Variants in OBI1 observed in about 807,000 individuals in gnomAD.
OBI1 encodes ring finger protein 219.
Under a neutral mutation model 62.4 loss-of-function variants are expected in OBI1, and 59 were observed. The ratio of observed to expected loss-of-function variants is 0.95; its 90% CI spans 0.77 to 1.17. The LOEUF is 1.17. OBI1 is among the 50% of genes most tolerant of loss of function. OBI1 has a pLI of 0.00. For missense variants in OBI1, 875 were observed against 830.9 expected, an observed-to-expected ratio of 1.05 and a Z score of -0.65; for synonymous variants, 302 against 292.8, an observed-to-expected ratio of 1.03 and a Z score of -0.32.
At chr13:78,645,838 C>A (rs1486267086) in intron 1 of OBI1, among the ~76,000 whole-genome samples, 2 of 152,070 alleles carry the variant, frequency 1.3e-5, no homozygotes, top group Non-Finnish European at 2.9e-5. Flanking sequence ...TTAGGAGAGA[C>A]GGGGTTTCAC....
intron 5 of OBI1, among the ~76,000 whole-genome samples, chr13:78,619,777 G>C (rs1490412164): frequency 6.6e-6 from 1 of 152,102 alleles, no homozygotes; most frequent in African/African-American, 2.4e-5. Flanking sequence ...AACAATTCCT[G>C]GTATACGGCA....
chr13:78,636,907 AG>A (rs1379454695), intron 4 of OBI1, among the ~76,000 whole-genome samples: 1 of 152,138 alleles, frequency 6.6e-6, no homozygotes, highest in Non-Finnish European at 1.5e-5. Context: ...GCTATGTTTC[AG>A]TCTCTCAACA....
At position 78,635,093 on chromosome 13, in the gene OBI1, G is replaced by A. The variant is rs373768018; in HGVS notation, c.638+17C>T. The A allele has an allele frequency of 3.3e-6, 5 of 1,508,536 alleles. No individual in the cohort carries two copies. The highest frequency in any genetic ancestry group is 1.7e-4 in the Middle Eastern group (1 of 5,840). 93.4% of individuals were successfully genotyped at this position (1,508,536 alleles called of 1,614,324 possible). A position where few individuals can be genotyped will look rare whatever the true frequency, so the allele number is the denominator to read the frequency against. On this transcript the variant is annotated intron_variant, in intron 5 of 5. Coordinates refer to ENST00000282003, the MANE Select transcript of OBI1 (RefSeq NM_024546.4). Reference sequence around the variant, plus strand: ...TTGACATAATCTGAAGCATTGCTCTGGGAGCAAAATACATACTTTTGAGGT... The same window carrying A: ...TTGACATAATCTGAAGCATTGCTCTAGGAGCAAAATACATACTTTTGAGGT...
At chr13:78,647,529 A>C (rs1670954641) in intron 1 of OBI1, among the ~76,000 whole-genome samples, 1 of 152,194 alleles carries the variant, frequency 6.6e-6, no homozygotes. Context: ...TCCTTTGCTC[A>C]CATGTTTTCT....
intron 5 of OBI1, among the ~76,000 whole-genome samples, chr13:78,626,474 G>C (rs1367470739): frequency 6.6e-6 from 1 of 152,124 alleles, no homozygotes; most frequent in Non-Finnish European, 1.5e-5. Context: ...TAAAACAACA[G>C]GGTAGAAGAA....
chr13:78,635,516 A>G (rs1233869808), intron 4 of OBI1, among the ~76,000 whole-genome samples: 2 of 152,192 alleles, frequency 1.3e-5, no homozygotes, highest in African/African-American at 2.4e-5. Context: ...TCTTTTTCAC[A>G]TAACTGAATA....
intron 3 of OBI1, among the ~76,000 whole-genome samples, chr13:78,640,450 T>A (rs1329306700): frequency 1.3e-5 from 2 of 152,180 alleles, no homozygotes; most frequent in African/African-American, 2.4e-5. Context: ...TTTATTTTTT[T>A]AATTTTCAAT....
intron 1 of OBI1, among the ~76,000 whole-genome samples, chr13:78,650,524 T>C (rs1006442751): frequency 6.6e-6 from 1 of 152,180 alleles, no homozygotes. Flanking sequence ...CCTCTGTAAC[T>C]GGAGTCAGTA....
Position 78,642,188 on chromosome 13 carries a change from C to T in OBI1, c.234G>A (p.Met78Ile), listed in dbSNP as rs1438616984. 5 of 1,606,972 alleles carry T rather than the reference C, an allele frequency of 3.1e-6. No individual in the cohort carries two copies. The African/African-American group carries it at 6.7e-5, about 22-fold the overall frequency. ...IIGGTSESEP[M>I]LSHTVRKHLR... ...GATGCTTCCTGACCGTATGGCTTAG[C>T]ATAGGTTCACTTTCACTTGTTCCTC... The change falls in exon 3 of 6, where the codon ATG (methionine) becomes ATA (isoleucine). Residue 78 changes from methionine (M) to isoleucine (I), a missense_variant. Coordinates refer to ENST00000282003, the MANE Select transcript of OBI1 (RefSeq NM_024546.4).
rs1182964887 is a variant in OBI1 at position 78,615,698 on chromosome 13, G to A, written c.2063C>T (p.Ser688Phe). ...EMHSLHNHLQ[S>F]PWSTSFVPEK... ...AGGCACAAAGGAAGTAGACCAAGGA[G>A]ACTGAAGGTGGTTATGAAGACTGTG... Residue 688 changes from serine (S) to phenylalanine (F), a missense_variant, in exon 6 of 6, where the codon TCT (serine) becomes TTT (phenylalanine). Transcript: ENST00000282003. 5.0e-6 allele frequency: 8 copies of A among 1,613,890 alleles called. No individual in the cohort carries two copies. In the Admixed American group the frequency reaches 1.2e-4, roughly 24 times the overall value.
Position 78,644,988 on chromosome 13 carries a change from G to A in OBI1, c.82C>T (p.Pro28Ser). The A allele has an allele frequency of 6.2e-7, 1 of 1,611,060 alleles. No individual in the cohort carries two copies. The highest frequency in any genetic ancestry group is 1.1e-5 in the South Asian group (1 of 90,400). ...CHICLGKVRQPVICINNHVFC... is the reference protein window; with the variant it reads ...CHICLGKVRQSVICINNHVFC... Reference sequence around the variant, plus strand: ...ACATGGTTGTTGATGCATATGACAGGCTGACGTACCTTTGAAAAAAGAAAT... The same window carrying A: ...ACATGGTTGTTGATGCATATGACAGACTGACGTACCTTTGAAAAAAGAAAT... The change falls in exon 2 of 6, where the codon CCT (proline) becomes TCT (serine). Residue 28 changes from proline to serine, a missense_variant. Pro to Ser is a moderately conservative substitution (Grantham distance 74). Transcript: ENST00000282003.
intron 5 of OBI1, among the ~76,000 whole-genome samples, chr13:78,634,299 T>C (rs1306724280): frequency 6.6e-6 from 1 of 151,926 alleles, no homozygotes; most frequent in South Asian, 2.1e-4. Context: ...ATGATATTTC[T>C]TTTTGTTGTT....
At chr13:78,654,277 A>G (rs1258163421) in intron 1 of OBI1, among the ~76,000 whole-genome samples, 1 of 152,234 alleles carries the variant, frequency 6.6e-6, no homozygotes, top group African/African-American at 2.4e-5. Context: ...CACTATGTAT[A>G]AAATGCAATA....
chr13:78,622,767 G>A (rs1054078272), intron 5 of OBI1, among the ~76,000 whole-genome samples: 2 of 152,086 alleles, frequency 1.3e-5, no homozygotes, highest in Non-Finnish European at 2.9e-5. Flanking sequence ...ATAGAAATCC[G>A]AGTTTTGACA....
At chr13:78,645,530 C>T (rs1876354597) in intron 1 of OBI1, among the ~76,000 whole-genome samples, 2 of 152,186 alleles carry the variant, frequency 1.3e-5, no homozygotes, top group South Asian at 2.1e-4. Context: ...ATGAGCTTCA[C>T]TCTCAAGTAG....
chr13:78,616,401 T>C lies in OBI1; in HGVS notation c.1360A>G (p.Lys454Glu). The C allele has an allele frequency of 6.2e-7, 1 of 1,612,908 alleles. No homozygotes were observed. The highest frequency in any genetic ancestry group is 8.5e-7 in the Non-Finnish European group (1 of 1,179,436). Residue 454 changes from lysine (K) to glutamate (E), a missense_variant, in exon 6 of 6, where the codon AAG becomes GAG. Physicochemically the swap from Lys to Glu is moderately conservative, Grantham distance 56 (BLOSUM62 1). Coordinates refer to ENST00000282003, the MANE Select transcript of OBI1 (RefSeq NM_024546.4). ...EDDISRSENE[K>E]KSECFSSPKT... Reference sequence around the variant, plus strand: ...GGGGAAGAAAAACATTCTGATTTCTTTTCATTTTCACTTCTACTTATATCA... The same window carrying C: ...GGGGAAGAAAAACATTCTGATTTCTCTTCATTTTCACTTCTACTTATATCA...
rs965783785 is a variant in OBI1, at chr13:78,644,932, C to T, written c.138G>A (p.Leu46=). The T allele has an allele frequency of 2.5e-6, 4 of 1,613,746 alleles. No homozygotes were observed. The African/African-American group carries it at 4.0e-5, about 16-fold the overall frequency. Residue 46 remains leucine, a synonymous_variant, in exon 2 of 6, where the codon TTG becomes TTA. Transcript: ENST00000282003. ...VFCSICIDLW[L]KNNSQCPACR... ...AAGCTGGACACTGGCTATTATTCTT[C>T]AACCACAAATCAATACAAATCGAAC... is the stretch of plus-strand genomic sequence containing the variant.
At chr13:78,654,325 T>C (rs899455054) in intron 1 of OBI1, among the ~76,000 whole-genome samples, 3 of 152,224 alleles carry the variant, frequency 2.0e-5, no homozygotes, top group Non-Finnish European at 4.4e-5. Context: ...TTCAAACTTA[T>C]TTTCAACTGG....
At chr13:78,631,446 T>A (rs1364635124) in intron 5 of OBI1, among the ~76,000 whole-genome samples, 1 of 152,060 alleles carries the variant, frequency 6.6e-6, no homozygotes, top group Non-Finnish European at 1.5e-5. Context: ...TAAGAAAAAA[T>A]TCATTATTTC....
Sources: allele counts gnomAD v4.1 joint callset (sites outside exome capture counted in the v4.1 genomes callset), GRCh38; gene constraint gnomAD v4.1.1; transcripts MANE v1.5; gene names NCBI Gene and HGNC (gene_info 2026-07-23, HGNC 2026-07-21).